Variants in SLCO3A1 observed in about 807,000 individuals in gnomAD.
SLCO3A1 encodes solute carrier organic anion transporter family member 3A1.
Under a neutral mutation model 63.1 loss-of-function variants are expected in SLCO3A1, and 27 were observed. The observed-to-expected ratio is 0.43, with a 90% confidence interval of 0.32 to 0.59. The LOEUF is 0.59. SLCO3A1 is among the 20% of genes least tolerant of loss of function. The pLI is 0.09. For synonymous variants in SLCO3A1, 473 were observed against 409.9 expected (o/e 1.15, Z -1.86); for missense variants, 773 against 945.8 (o/e 0.82, Z 2.40).
chr15:91,982,103 C>T (rs28452933), intron 2 of SLCO3A1, among the ~76,000 whole-genome samples: 3,722 of 152,380 alleles, frequency 0.024, 151 homozygotes, highest in African/African-American at 0.084. Context: ...TTCTGGCCCT[C>T]AGGCAGCTGC....
chr15:92,160,933 T>C (rs1455965540), intron 9 of SLCO3A1, among the ~76,000 whole-genome samples: 1 of 152,110 alleles, frequency 6.6e-6, no homozygotes, highest in Non-Finnish European at 1.5e-5. Flanking sequence ...CAGGGGCCTA[T>C]GAACCCCCTG....
intron 4 of SLCO3A1, among the ~76,000 whole-genome samples, chr15:92,106,031 G>A (rs779214168): frequency 2.6e-5 from 4 of 152,138 alleles, no homozygotes; most frequent in Non-Finnish European, 4.4e-5. Context: ...TCTTTTCCAC[G>A]AATGTAAAAC....
In SLCO3A1 at chr15:91,912,379, G is replaced by A. The variant is rs534314908; in HGVS notation, c.181-3614G>A. 4.6e-5 allele frequency among the ~76,000 whole-genome samples: 7 copies of A among 152,306 alleles called. No individual in the cohort carries two copies. The highest frequency in any genetic ancestry group is 1.7e-4 in the African/African-American group (7 of 41,578). On this transcript the variant is annotated intron_variant, in intron 1 of 9. Transcript: ENST00000318445. The surrounding 1 kb of genome is among the most constrained non-coding windows in gnomAD (Gnocchi z 5.0). ...GACTGGCATTGCAGCCCAGCAGAAG[G>A]CCACAGGTCAAGGAGGGAAAGACCG...
intron 1 of SLCO3A1, among the ~76,000 whole-genome samples, chr15:91,888,813 T>C (rs1161631763): frequency 6.6e-6 from 1 of 151,598 alleles, no homozygotes; most frequent in Non-Finnish European, 1.5e-5. Context: ...TGAGACCCCA[T>C]CTCTACAAAA....
Position 91,909,060 on chromosome 15 carries a change from C to CAAACA in SLCO3A1, c.181-6915_181-6911dup, listed in dbSNP as rs532563444. On this transcript the variant is annotated intron_variant, in intron 1 of 9. Transcript: ENST00000318445. ...TGCGCAACAGAGCGCGACTCTGTCT[C>CAAACA]AAACAAAACAAAACAAAACAAACAA... Among the ~76,000 whole-genome samples, 1,429 of 152,268 alleles carry CAAACA rather than the reference C, an allele frequency of 9.4e-3. 43 individuals are homozygous for CAAACA. The highest frequency in any genetic ancestry group is 0.087 in the East Asian group (449 of 5,144).
chr15:91,926,557 C>CTGTGTGTGTG lies in SLCO3A1; in HGVS notation c.646+10099_646+10100insTGTGTGTGTG, dbSNP rs1567189095. Among the ~76,000 whole-genome samples, 474 of 54,336 alleles carry CTGTGTGTGTG rather than the reference C, an allele frequency of 8.7e-3. 6 individuals carry two copies. Among genetic ancestry groups the CTGTGTGTGTG allele is most frequent in the African/African-American group, 0.046 (453 of 9,748 alleles). The allele number at this position is 54,336 out of a possible 152,430, so 35.6% of individuals were successfully genotyped here. A position where few individuals can be genotyped will look rare whatever the true frequency, so the allele number is the denominator to read the frequency against. ...GCTTTGCCATTTCATTCCTGCCAAG[C>CTGTGTGTGTG]CGTGTGTGTGTGTGTGTGTGTGTGT... On this transcript the variant is annotated intron_variant, in intron 2 of 9. Coordinates refer to ENST00000318445, the MANE Select transcript of SLCO3A1 (RefSeq NM_013272.4).
chr15:91,991,167 C>T (rs540094146), intron 2 of SLCO3A1, among the ~76,000 whole-genome samples: 3 of 152,088 alleles, frequency 2.0e-5, no homozygotes, highest in East Asian at 1.9e-4. Context: ...CCCAGAAGTT[C>T]GAGACCAGCC....
intron 4 of SLCO3A1, among the ~76,000 whole-genome samples, chr15:92,116,838 A>G (rs954802934): frequency 5.9e-5 from 9 of 152,208 alleles, no homozygotes; most frequent in Admixed American, 1.3e-4. Context: ...TTGGAAGGAA[A>G]TAGCGAACCC....
intron 2 of SLCO3A1, among the ~76,000 whole-genome samples, chr15:91,920,054 C>T (rs756717880): frequency 6.6e-6 from 1 of 152,120 alleles, no homozygotes; most frequent in Admixed American, 6.5e-5. Flanking sequence ...CATATATAAT[C>T]CCTTCTGAAT....
At chr15:92,109,964 C>G (rs1441686841) in intron 4 of SLCO3A1, among the ~76,000 whole-genome samples, 1 of 152,140 alleles carries the variant, frequency 6.6e-6, no homozygotes, top group Non-Finnish European at 1.5e-5. Context: ...ATCCCGTGCT[C>G]TTTCCCGTTT....
rs74317103 is a variant in SLCO3A1, at chr15:92,017,376, G to C, written c.647-77505G>C. ...CTTATATAAACTTAAAAAGCTGTAAGTGAAACCAAATTATGTTCCCTGACA... is the reference window on the plus strand; with the variant it reads ...CTTATATAAACTTAAAAAGCTGTAACTGAAACCAAATTATGTTCCCTGACA... On this transcript the variant is annotated intron_variant, in intron 2 of 9. Transcript: ENST00000318445. Among the ~76,000 whole-genome samples, 1,297 of 152,200 alleles carry C rather than the reference G, an allele frequency of 8.5e-3. 18 individuals carry two copies. Among genetic ancestry groups the C allele is most frequent in the African/African-American group, 0.03 (1,244 of 41,560 alleles).
In SLCO3A1 at chr15:91,885,811, G is replaced by C. The variant is rs1258784077; in HGVS notation, c.181-30182G>C. On this transcript the variant is annotated intron_variant, in intron 1 of 9. Transcript: ENST00000318445. The surrounding 1 kb of genome is among the most constrained non-coding windows in gnomAD (Gnocchi z 4.7). ...CCTTTCTCTAAAGGCCTCTCTGGGCGGGTGATATTTGAGTAGATTTGAAAG... is the reference window on the plus strand; with the variant it reads ...CCTTTCTCTAAAGGCCTCTCTGGGCCGGTGATATTTGAGTAGATTTGAAAG... Among the ~76,000 whole-genome samples the C allele has an allele frequency of 2.0e-5, 3 of 152,290 alleles. No individual in the cohort carries two copies. The highest frequency in any genetic ancestry group is 4.1e-4 in the South Asian group (2 of 4,820).
In SLCO3A1 at chr15:91,957,040, AG is replaced by A. The variant is rs1189617540; in HGVS notation, c.646+40583del. On this transcript the variant is annotated intron_variant, in intron 2 of 9. Transcript: ENST00000318445. Reference sequence around the variant, plus strand: ...ATAGTATATATAATATATAATATATAGTATATATATAATATATACTATATAT... The same window carrying A: ...ATAGTATATATAATATATAATATATATATATATATAATATATACTATATAT... Among the ~76,000 whole-genome samples the A allele has an allele frequency of 1.3e-4, 2 of 15,818 alleles. 1 individual carries two copies. The highest frequency in any genetic ancestry group is 4.6e-3 in the East Asian group (2 of 432). The allele number at this position is 15,818 out of a possible 152,430, so 10.4% of individuals were successfully genotyped here.
Position 91,865,425 on chromosome 15 carries a change from C to A in SLCO3A1, c.180+11337C>A, listed in dbSNP as rs896769339. 4.6e-5 allele frequency among the ~76,000 whole-genome samples: 7 copies of A among 152,136 alleles called. No individual in the cohort carries two copies. Among genetic ancestry groups the A allele is most frequent in the African/African-American group, 1.7e-4 (7 of 41,428 alleles). On this transcript the variant is annotated intron_variant, in intron 1 of 9. Coordinates refer to ENST00000318445, the MANE Select transcript of SLCO3A1 (RefSeq NM_013272.4). This position sits in a 1 kb window ranked among gnomAD's most constrained non-coding sequence, Gnocchi z 4.6. The stretch of plus-strand genomic sequence containing the variant: ...GGTAGGCATTTCAGAAGGAAAAAAC[C>A]AGGTCTATTCATTAACTAGGGCTGC...
In SLCO3A1 at chr15:91,988,420, A is replaced by G. The variant is rs531078048; in HGVS notation, c.646+71962A>G. On this transcript the variant is annotated intron_variant, in intron 2 of 9. Transcript: ENST00000318445. Reference sequence around the variant, plus strand: ...GTGAACGTAATAAATTAACATTTAAAAATAAAACTAATTTTATTTTTAAAT... The same window carrying G: ...GTGAACGTAATAAATTAACATTTAAGAATAAAACTAATTTTATTTTTAAAT... Among the ~76,000 whole-genome samples, 5 of 152,266 alleles carry G rather than the reference A, an allele frequency of 3.3e-5. No homozygotes were observed. The East Asian group carries it at 9.6e-4, about 29-fold the overall frequency.
At chr15:92,117,405 T>G (rs2047808318) in intron 4 of SLCO3A1, among the ~76,000 whole-genome samples, 1 of 152,126 alleles carries the variant, frequency 6.6e-6, no homozygotes, top group African/African-American at 2.4e-5. Flanking sequence ...TGCACCCTAA[T>G]GAAAAAAATG....
chr15:92,164,998 A>G lies in SLCO3A1; in HGVS notation c.*1863A>G, dbSNP rs2048481759. On this transcript the variant is annotated 3_prime_UTR_variant, in exon 10 of 10. Transcript: ENST00000318445. ...TGGTTTGCTTTTTCACCTTGGACAC[A>G]TTTGCATTTTACCCACAAGGCAAAC... The G allele has an allele frequency of 1.0e-6, 1 of 985,260 alleles. No individual in the cohort carries two copies. The highest frequency in any genetic ancestry group is 1.7e-5 in the African/African-American group (1 of 57,224). 61.0% of individuals were successfully genotyped at this position (985,260 alleles called of 1,614,324 possible).
chr15:92,009,905 A>G (rs1452322700), intron 2 of SLCO3A1, among the ~76,000 whole-genome samples: 1 of 152,160 alleles, frequency 6.6e-6, no homozygotes, highest in East Asian at 1.9e-4. Context: ...CAATAGAGGC[A>G]TTTTCCAAAG....
At chr15:92,042,067 A>G (rs1015703537) in intron 2 of SLCO3A1, among the ~76,000 whole-genome samples, 4 of 152,140 alleles carry the variant, frequency 2.6e-5, no homozygotes, top group Non-Finnish European at 5.9e-5. Flanking sequence ...GATGAGCCCC[A>G]TGTGACTCTG....
Sources: allele counts gnomAD v4.1 joint callset (sites outside exome capture counted in the v4.1 genomes callset), GRCh38; gene constraint gnomAD v4.1.1; non-coding constraint Gnocchi (gnomAD v3.1); transcripts MANE v1.5; gene names NCBI Gene and HGNC (gene_info 2026-07-23, HGNC 2026-07-21).